EYA4: variants seen among roughly 807,000 people sequenced by gnomAD.
EYA4 encodes the protein EYA transcriptional coactivator and phosphatase 4, also known as protein phosphatase EYA4.
EYA4 carries 31 observed loss-of-function variants against 87.9 expected under a neutral mutation model. That is an observed-to-expected ratio of 0.35 (90% CI 0.27 to 0.48). The LOEUF is 0.48. EYA4 is among the 20% of genes least tolerant of loss of function. EYA4 has a pLI of 0.99. For missense variants in EYA4, 678 were observed against 761.4 expected (o/e 0.89, Z 1.29); for synonymous variants, 263 against 270.6 (o/e 0.97, Z 0.28).
chr6:133,290,171 G>C (rs1291509492), intron 2 of EYA4, among the ~76,000 whole-genome samples: 1 of 152,160 alleles, frequency 6.6e-6, no homozygotes, highest in South Asian at 2.1e-4. Flanking sequence ...GATGAGGTGA[G>C]CTCTATCTCC....
chr6:133,529,690 T>C lies in EYA4; in HGVS notation c.*885T>C. The stretch of plus-strand genomic sequence containing the variant: ...GTGTTTCATTTGGGTTCTTAATAAT[T>C]CCAATAATTGTATGAGGCAACTATT... On this transcript the variant is annotated 3_prime_UTR_variant, in exon 20 of 20. Transcript: ENST00000355286. 1.0e-6 allele frequency: 1 copy of C among 984,874 alleles called. No individual in the cohort carries two copies. The highest frequency in any genetic ancestry group is 1.2e-6 in the Non-Finnish European group (1 of 829,426). 61.0% of individuals were successfully genotyped at this position (984,874 alleles called of 1,614,324 possible). A position where few individuals can be genotyped will look rare whatever the true frequency, so the allele number is the denominator to read the frequency against.
At chr6:133,251,569 C>T (rs968204107) in intron 1 of EYA4, among the ~76,000 whole-genome samples, 3 of 152,126 alleles carry the variant, frequency 2.0e-5, no homozygotes, top group Non-Finnish European at 4.4e-5. Flanking sequence ...AAAATGATAA[C>T]GTTGTACCTG....
chr6:133,298,844 T>C (rs1400456951), intron 2 of EYA4, among the ~76,000 whole-genome samples: 1 of 152,232 alleles, frequency 6.6e-6, no homozygotes, highest in Non-Finnish European at 1.5e-5. Flanking sequence ...CGGTTCATCC[T>C]GATAAATGTG....
chr6:133,262,946 T>A (rs531592222), intron 1 of EYA4, among the ~76,000 whole-genome samples: 1 of 152,290 alleles, frequency 6.6e-6, no homozygotes, highest in Admixed American at 6.5e-5. Flanking sequence ...AGGAGAGTCA[T>A]GTGCATAGTC....
Position 133,263,423 on chromosome 6 carries a change from C to T in EYA4, c.-65-11293C>T, listed in dbSNP as rs560430370. ...CTCCTCTTTCTCGGTCAGTTCTCTT[C>T]TGTCTTTCCCTACAGACCAGCTTTT... On this transcript the variant is annotated intron_variant, in intron 1 of 19. Coordinates refer to ENST00000355286, the MANE Select transcript of EYA4 (RefSeq NM_004100.5). Among the ~76,000 whole-genome samples, 9 of 152,308 alleles carry T rather than the reference C, an allele frequency of 5.9e-5. No homozygotes were observed. The South Asian group carries it at 1.9e-3, about 32-fold the overall frequency.
At chr6:133,260,739 T>A (rs1775733582) in intron 1 of EYA4, among the ~76,000 whole-genome samples, 1 of 152,210 alleles carries the variant, frequency 6.6e-6, no homozygotes, top group Non-Finnish European at 1.5e-5. Context: ...TTTTGATTTA[T>A]CTCACTCAAG....
chr6:133,513,174 T>C, intron 16 of EYA4, 136 bp downstream of exon 16: 2 of 875,504 alleles, frequency 2.3e-6, no homozygotes, highest in Non-Finnish European at 3.6e-6. Flanking sequence ...AGCCAGAAGT[T>C]TCTTAGAATT....
At chr6:133,485,345 G>A (rs144510840) in intron 13 of EYA4, among the ~76,000 whole-genome samples, 34 of 152,252 alleles carry the variant, frequency 2.2e-4, no homozygotes, top group African/African-American at 7.0e-4. Flanking sequence ...CAAAGCGAGG[G>A]GAAGAAGGAA....
intron 11 of EYA4, among the ~76,000 whole-genome samples, chr6:133,472,557 A>G (rs1466420636): frequency 1.1e-4 from 6 of 53,138 alleles, no homozygotes; most frequent in African/African-American, 5.6e-4. Context: ...GTGCTGAAAA[A>G]AATGTATATT....
chr6:133,442,580 T>A (rs1425039669), intron 3 of EYA4, among the ~76,000 whole-genome samples: 2 of 152,196 alleles, frequency 1.3e-5, no homozygotes, highest in African/African-American at 4.8e-5. Context: ...GTTTGGGGTA[T>A]GAATTTCCCA....
chr6:133,347,699 G>A (rs551004443), intron 2 of EYA4, among the ~76,000 whole-genome samples: 1 of 152,094 alleles, frequency 6.6e-6, no homozygotes, highest in Non-Finnish European at 1.5e-5. Flanking sequence ...GATAACTGTT[G>A]TTATGCCTAT....
In EYA4 at chr6:133,342,026, A is replaced by G. The variant is rs143835591; in HGVS notation, c.34-40366A>G. Among the ~76,000 whole-genome samples the G allele has an allele frequency of 2.9e-3, 448 of 152,250 alleles. 4 individuals are homozygous for G. The highest frequency in any genetic ancestry group is 0.01 in the African/African-American group (432 of 41,552). On this transcript the variant is annotated intron_variant, in intron 2 of 19. Coordinates refer to ENST00000355286, the MANE Select transcript of EYA4 (RefSeq NM_004100.5). ...AATATCTTGACAAGTCATTTGAAACATGCTGGGCCTCTAAAGAGGCTGACT... is the reference window on the plus strand; with the variant it reads ...AATATCTTGACAAGTCATTTGAAACGTGCTGGGCCTCTAAAGAGGCTGACT...
chr6:133,443,534 A>C (rs901668169), intron 3 of EYA4, among the ~76,000 whole-genome samples: 1 of 151,136 alleles, frequency 6.6e-6, no homozygotes, highest in Non-Finnish European at 1.5e-5. Flanking sequence ...AATTATTTCT[A>C]CTCTTTATTG....
rs144328572 is a variant in EYA4 at position 133,395,632 on chromosome 6, G to A, written c.83+13191G>A. Among the ~76,000 whole-genome samples the A allele has an allele frequency of 8.6e-3, 1,305 of 152,222 alleles. 21 individuals are homozygous for A. The highest frequency in any genetic ancestry group is 0.029 in the African/African-American group (1,205 of 41,530). ...AAAAATTAGCCAGGCGTGGTGTTGC[G>A]TGCCTGTAGTCCCTGGTACTCAGCA... On this transcript the variant is annotated intron_variant, in intron 3 of 19. Transcript: ENST00000355286.
At chr6:133,526,632 C>T (rs1254533378) in intron 19 of EYA4, among the ~76,000 whole-genome samples, 1 of 152,108 alleles carries the variant, frequency 6.6e-6, no homozygotes, top group African/African-American at 2.4e-5. Context: ...TGTCAATGAC[C>T]CAAGACAGCA....
At chr6:133,357,270 C>CAAAAAAAAAAAAAAAAAAAAAAA (rs754202361) in intron 2 of EYA4, among the ~76,000 whole-genome samples, 1 of 65,320 alleles carries the variant, frequency 1.5e-5, no homozygotes, top group African/African-American at 6.6e-5. Context: ...GACTCCGTCT[C>CAAAAAAAAAAAAAAAAAAAAAAA]AAAAAAAAAA....
intron 2 of EYA4, among the ~76,000 whole-genome samples, chr6:133,328,986 T>C (rs1219587297): frequency 6.6e-6 from 1 of 152,118 alleles, no homozygotes; most frequent in Non-Finnish European, 1.5e-5. Flanking sequence ...TCAGTGTGTT[T>C]CTGTGTATCT....
Position 133,322,285 on chromosome 6 carries a change from T to C in EYA4, c.33+47472T>C, listed in dbSNP as rs562230782. Among the ~76,000 whole-genome samples the C allele has an allele frequency of 2.0e-5, 3 of 152,348 alleles. No homozygotes were observed. In the South Asian group the frequency reaches 6.2e-4, roughly 32 times the overall value. ...TTATAAGTGTAAGCCAGAGCTATTATAGGAATGTAGAATTGTGTAGTCGTT... is the reference window on the plus strand; with the variant it reads ...TTATAAGTGTAAGCCAGAGCTATTACAGGAATGTAGAATTGTGTAGTCGTT... On this transcript the variant is annotated intron_variant, in intron 2 of 19. Coordinates refer to ENST00000355286, the MANE Select transcript of EYA4 (RefSeq NM_004100.5).
chr6:133,510,526 CTT>C (rs1393801154), intron 14 of EYA4: 1 of 273,622 alleles, frequency 3.7e-6, no homozygotes, highest in Non-Finnish European at 7.4e-6. Context: ...TCTCTCCACT[CTT>C]TTCCTTAAAG....
Sources: allele counts gnomAD v4.1 joint callset (sites outside exome capture counted in the v4.1 genomes callset), GRCh38; gene constraint gnomAD v4.1.1; transcripts MANE v1.5; gene names NCBI Gene and HGNC (gene_info 2026-07-23, HGNC 2026-07-21).